TMTC2: variants seen among roughly 807,000 people sequenced by gnomAD.
TMTC2 encodes the protein transmembrane O-mannosyltransferase targeting cadherins 2.
A neutral mutation model predicts 82.4 loss-of-function variants in TMTC2; 43 were observed. That is an observed-to-expected ratio of 0.52 (90% CI 0.41 to 0.67). The LOEUF (loss-of-function observed/expected upper bound fraction) is 0.67. Among genes scored for constraint, TMTC2 ranks in the 30% least tolerant of loss-of-function variants. TMTC2 has a pLI of 0.00. For missense variants in TMTC2, 919 were observed against 1,012.4 expected (o/e 0.91, Z 1.25); for synonymous variants, 408 against 381.9 (o/e 1.07, Z -0.80).
At chr12:82,813,863 G>A (rs985893898) in intron 1 of TMTC2, among the ~76,000 whole-genome samples, 2 of 152,182 alleles carry the variant, frequency 1.3e-5, no homozygotes, top group Middle Eastern at 6.8e-3. Context: ...GTAGGTGCTG[G>A]TAGAAAGTGG....
chr12:82,840,968 C>T (rs1163743529), intron 1 of TMTC2, among the ~76,000 whole-genome samples: 4 of 152,004 alleles, frequency 2.6e-5, no homozygotes, highest in East Asian at 1.9e-4. Flanking sequence ...TTAGTAGAGA[C>T]GGGATTTCAC....
intron 1 of TMTC2, among the ~76,000 whole-genome samples, chr12:82,757,169 T>C (rs1876373105): frequency 6.6e-6 from 1 of 152,200 alleles, no homozygotes; most frequent in Admixed American, 6.5e-5. Context: ...AGCTTGCAGT[T>C]TAAATAATTC....
chr12:83,116,284 T>TTG (rs199906624), intron 11 of TMTC2, among the ~76,000 whole-genome samples: 11,603 of 151,878 alleles, frequency 0.076, 580 homozygotes, highest in African/African-American at 0.14. Flanking sequence ...TAGTATTCCA[T>TTG]TGTGTGTGTG....
chr12:82,739,071 G>A (rs945847060), intron 1 of TMTC2, among the ~76,000 whole-genome samples: 5 of 151,160 alleles, frequency 3.3e-5, no homozygotes, highest in Non-Finnish European at 7.4e-5. Flanking sequence ...TCACTTGAAC[G>A]TGGGAGGTAG....
chr12:83,025,870 T>C (rs1050785365), intron 8 of TMTC2, among the ~76,000 whole-genome samples: 1 of 152,144 alleles, frequency 6.6e-6, no homozygotes, highest in African/African-American at 2.4e-5. Flanking sequence ...AGAGATACAC[T>C]TGGGGAGGTT....
intron 3 of TMTC2, among the ~76,000 whole-genome samples, chr12:82,919,378 T>C (rs1875241855): frequency 6.6e-6 from 1 of 152,194 alleles, no homozygotes; most frequent in Non-Finnish European, 1.5e-5. Context: ...CATGCTGAGT[T>C]TTCAGGGCAC....
intron 8 of TMTC2, among the ~76,000 whole-genome samples, chr12:83,015,387 G>C (rs532493560): frequency 3.9e-5 from 6 of 152,278 alleles, no homozygotes; most frequent in Middle Eastern, 6.8e-3. Flanking sequence ...TGATGATTGG[G>C]AGTGTCTGTT....
chr12:82,902,035 G>C (rs1238248675), intron 3 of TMTC2, among the ~76,000 whole-genome samples: 1 of 152,192 alleles, frequency 6.6e-6, no homozygotes, highest in Non-Finnish European at 1.5e-5. Flanking sequence ...AAAGGCTAGA[G>C]GGGGCTGAGT....
intron 11 of TMTC2, among the ~76,000 whole-genome samples, chr12:83,090,072 G>A (rs1445068776): frequency 6.6e-6 from 1 of 152,070 alleles, no homozygotes; most frequent in African/African-American, 2.4e-5. Context: ...TTAATAATGA[G>A]GTCAGAAAGG....
chr12:82,956,925 C>T (rs552717200), intron 4 of TMTC2, among the ~76,000 whole-genome samples: 1 of 152,246 alleles, frequency 6.6e-6, no homozygotes, highest in African/African-American at 2.4e-5. Flanking sequence ...GACATAGCCA[C>T]ACAATAATAG....
At chr12:83,114,991 A>G (rs1884709007) in intron 11 of TMTC2, among the ~76,000 whole-genome samples, 1 of 152,010 alleles carries the variant, frequency 6.6e-6, no homozygotes, top group Non-Finnish European at 1.5e-5. Flanking sequence ...TTCCATGACA[A>G]TTGAGATTTT....
At chr12:82,754,308 A>G (rs1387639255) in intron 1 of TMTC2, among the ~76,000 whole-genome samples, 2 of 152,198 alleles carry the variant, frequency 1.3e-5, no homozygotes, top group Non-Finnish European at 2.9e-5. Context: ...AAACACAAAG[A>G]AAAACCCATG....
At chr12:83,095,267 G>T (rs573768617) in intron 11 of TMTC2, among the ~76,000 whole-genome samples, 23 of 149,756 alleles carry the variant, frequency 1.5e-4, no homozygotes, top group African/African-American at 5.7e-4. Flanking sequence ...TTGAGATGGA[G>T]TCTCGCTTTG....
chr12:83,066,202 G>A (rs79189642), intron 11 of TMTC2, among the ~76,000 whole-genome samples: 2 of 152,060 alleles, frequency 1.3e-5, no homozygotes, highest in East Asian at 1.9e-4. Context: ...CATGAGCTAG[G>A]TGTAAGCAAA....
chr12:82,785,044 G>C (rs1241848288), intron 1 of TMTC2, among the ~76,000 whole-genome samples: 1 of 152,050 alleles, frequency 6.6e-6, no homozygotes, highest in East Asian at 1.9e-4. Flanking sequence ...TAGAAGGGAA[G>C]AGACTTTTCT....
intron 9 of TMTC2, among the ~76,000 whole-genome samples, chr12:83,046,193 A>G (rs1882120928): frequency 2.0e-5 from 3 of 152,216 alleles, no homozygotes; most frequent in Admixed American, 1.3e-4. Flanking sequence ...CGGATTCGCC[A>G]CAATGCCAGA....
chr12:82,913,810 A>G (rs1425274246), intron 3 of TMTC2, among the ~76,000 whole-genome samples: 1 of 152,164 alleles, frequency 6.6e-6, no homozygotes, highest in Non-Finnish European at 1.5e-5. Flanking sequence ...TTGTCCCTTG[A>G]TATATGTGGA....
At chr12:82,911,931 A>C (rs1355025488) in intron 3 of TMTC2, among the ~76,000 whole-genome samples, 1 of 152,170 alleles carries the variant, frequency 6.6e-6, no homozygotes, top group East Asian at 1.9e-4. Flanking sequence ...TTGGTTAGAC[A>C]GTACCTAGAA....
chr12:83,001,756 C>CTT (rs5799607), intron 8 of TMTC2, among the ~76,000 whole-genome samples: 116,113 of 151,658 alleles, frequency 0.77, 45,992 homozygotes, highest in South Asian at 0.93. Context: ...CCATCAGTCT[C>CTT]TGCTGAAACA....
Sources: gnomAD v4.1 joint callset for allele counts (sites outside exome capture counted in the v4.1 genomes callset) on GRCh38, gnomAD v4.1.1 for gene constraint, MANE v1.5 for transcripts, NCBI Gene and HGNC (gene_info 2026-07-23, HGNC 2026-07-21) for gene names.